RAB28: variants seen among roughly 807,000 people sequenced by gnomAD.
RAB28 encodes the protein ras-related protein Rab-28.
Under a neutral mutation model 31.7 loss-of-function variants are expected in RAB28, and 24 were observed. That is an observed-to-expected ratio of 0.76 (90% CI 0.55 to 1.06). The LOEUF is 1.06. Ranked by LOEUF, RAB28 falls within the 50% of genes least tolerant of loss-of-function variation. The pLI is 0.00. For missense variants in RAB28, 254 were observed against 258.5 expected (o/e 0.98, Z 0.12); for synonymous variants, 100 against 90.4 (o/e 1.11, Z -0.60).
intron 4 of RAB28, among the ~76,000 whole-genome samples, chr4:13,443,375 T>C (rs766857794): frequency 6.0e-5 from 9 of 150,628 alleles, no homozygotes; most frequent in Non-Finnish European, 7.4e-5. Context: ...GATTTCGCCA[T>C]GTTGGCCAGG....
Position 13,384,365 on chromosome 4 carries a change from C to T in RAB28, c.392-2771G>A, listed in dbSNP as rs560694875. On this transcript the variant is annotated intron_variant, in intron 4 of 6. Coordinates refer to ENST00000330852, the MANE Select transcript of RAB28 (RefSeq NM_001017979.3). Reference sequence around the variant, plus strand: ...CCCTGCTGCAGTTGATGAGTGTGTACCCCACCGTGCTGCTGCTGCTGCTGC... The same window carrying T: ...CCCTGCTGCAGTTGATGAGTGTGTATCCCACCGTGCTGCTGCTGCTGCTGC... Among the ~76,000 whole-genome samples, 7 of 152,240 alleles carry T rather than the reference C, an allele frequency of 4.6e-5. No homozygotes were observed. In the South Asian group the frequency reaches 6.2e-4, roughly 14 times the overall value.
At chr4:13,423,468 A>G (rs937892590) in intron 4 of RAB28, among the ~76,000 whole-genome samples, 2 of 151,742 alleles carry the variant, frequency 1.3e-5, no homozygotes, top group African/African-American at 4.8e-5. Context: ...CTGGGCAACA[A>G]GTGAAACTCC....
chr4:13,375,870 AAAGAT>A (rs760429053), intron 6 of RAB28, among the ~76,000 whole-genome samples: 6 of 152,112 alleles, frequency 3.9e-5, no homozygotes, highest in Non-Finnish European at 5.9e-5. Flanking sequence ...AAGGATGGGA[AAAGAT>A]AATTATACTT....
At chr4:13,430,895 C>G (rs1409831777) in intron 4 of RAB28, among the ~76,000 whole-genome samples, 1 of 152,174 alleles carries the variant, frequency 6.6e-6, no homozygotes, top group Non-Finnish European at 1.5e-5. Flanking sequence ...GAAACGGGTG[C>G]AGCACCAACC....
intron 4 of RAB28, among the ~76,000 whole-genome samples, chr4:13,420,004 C>G (rs535610916): frequency 6.6e-6 from 1 of 150,966 alleles, no homozygotes; most frequent in Non-Finnish European, 1.5e-5. Flanking sequence ...ATTGATAGAC[C>G]GTTAGCAAGA....
At chr4:13,463,992 ATTG>A (rs1222803019) in intron 3 of RAB28, among the ~76,000 whole-genome samples, 2 of 152,146 alleles carry the variant, frequency 1.3e-5, no homozygotes, top group Non-Finnish European at 2.9e-5. Flanking sequence ...GAAAACTGAT[ATTG>A]CAAGGCAAAT....
chr4:13,396,276 A>T (rs1203822236), intron 4 of RAB28, among the ~76,000 whole-genome samples: 1 of 152,046 alleles, frequency 6.6e-6, no homozygotes, highest in Non-Finnish European at 1.5e-5. Context: ...ACTCAATTCA[A>T]ACAAACGACT....
chr4:13,449,211 A>G (rs1226206312), intron 4 of RAB28, among the ~76,000 whole-genome samples: 1 of 151,982 alleles, frequency 6.6e-6, no homozygotes. Context: ...ATACAAGTTG[A>G]TATGAATCCT....
At chr4:13,420,993 T>C (rs1212404761) in intron 4 of RAB28, among the ~76,000 whole-genome samples, 2 of 152,196 alleles carry the variant, frequency 1.3e-5, no homozygotes, top group African/African-American at 2.4e-5. Context: ...CATGATTGTA[T>C]ATTTAGAAAA....
chr4:13,381,028 C>A (rs1729106903), intron 5 of RAB28, among the ~76,000 whole-genome samples: 1 of 152,022 alleles, frequency 6.6e-6, no homozygotes, highest in African/African-American at 2.4e-5. Context: ...TTTGCCTTCA[C>A]AAATCCTCTC....
intron 4 of RAB28, among the ~76,000 whole-genome samples, chr4:13,434,821 C>A (rs1488793816): frequency 6.6e-6 from 1 of 151,954 alleles, no homozygotes; most frequent in Non-Finnish European, 1.5e-5. Flanking sequence ...AAGTTTGAGA[C>A]CAGCCTGGCA....
chr4:13,484,234 G>A lies in RAB28; in HGVS notation c.-84C>T. 8.9e-7 allele frequency: 1 copy of A among 1,119,556 alleles called. No homozygotes were observed. The highest frequency in any genetic ancestry group is 1.3e-6 in the Non-Finnish European group (1 of 757,036). 69.4% of individuals were successfully genotyped at this position (1,119,556 alleles called of 1,614,324 possible). ...TCCGGGGGCGGGGGAGAGGAGGAAG[G>A]GAGGTAGTTGCGGCAGGACCCCCGC... On this transcript the variant is annotated 5_prime_UTR_variant, in exon 1 of 7. Transcript: ENST00000330852.
chr4:13,381,500 T>C lies in RAB28; in HGVS notation c.486A>G (p.Thr162=), dbSNP rs2108882353. The C allele has an allele frequency of 2.5e-6, 4 of 1,606,470 alleles. No individual in the cohort carries two copies. The highest frequency in any genetic ancestry group is 3.4e-6 in the Non-Finnish European group (4 of 1,173,638). ...TCATTATTTTACTTACAGAGTCTCC[T>C]GTCTTGGCTGAGACAAAGTGGCTAC... The part of the protein sequence containing the change: ...GFSSHFVSAK[T]GDSVFLCFQK... The change falls in exon 5 of 7, where the codon ACA becomes ACG. Residue 162 remains threonine (T), a synonymous_variant. Transcript: ENST00000330852.
intron 3 of RAB28, among the ~76,000 whole-genome samples, chr4:13,466,795 A>G (rs1715866795): frequency 6.6e-6 from 1 of 152,046 alleles, no homozygotes; most frequent in Non-Finnish European, 1.5e-5. Flanking sequence ...GTCCATCAAC[A>G]GATGAATGGA....
At chr4:13,418,512 G>A (rs1002472503) in intron 4 of RAB28, among the ~76,000 whole-genome samples, 1 of 152,168 alleles carries the variant, frequency 6.6e-6, no homozygotes, top group Non-Finnish European at 1.5e-5. Context: ...AGAAAAGTCG[G>A]GTTACTCACA....
At chr4:13,388,223 G>T (rs141630108) in intron 4 of RAB28, among the ~76,000 whole-genome samples, 1 of 151,926 alleles carries the variant, frequency 6.6e-6, no homozygotes, top group African/African-American at 2.4e-5. Context: ...TCACATATAT[G>T]GCCAAATGAT....
At chr4:13,410,255 A>T (rs938100043) in intron 4 of RAB28, among the ~76,000 whole-genome samples, 1 of 152,152 alleles carries the variant, frequency 6.6e-6, no homozygotes, top group African/African-American at 2.4e-5. Flanking sequence ...TATCCCCATG[A>T]AACAATAAGC....
intron 4 of RAB28, among the ~76,000 whole-genome samples, chr4:13,390,844 C>T (rs1365421667): frequency 6.6e-6 from 1 of 152,176 alleles, no homozygotes; most frequent in Non-Finnish European, 1.5e-5. Context: ...GGAAAACTGG[C>T]TAGCCATATC....
At chr4:13,471,025 C>T (rs1231633623) in intron 3 of RAB28, among the ~76,000 whole-genome samples, 1 of 152,052 alleles carries the variant, frequency 6.6e-6, no homozygotes, top group Non-Finnish European at 1.5e-5. Flanking sequence ...AACAGATTGA[C>T]TAGTTTAATG....
Sources: allele counts gnomAD v4.1 joint callset (sites outside exome capture counted in the v4.1 genomes callset), GRCh38; gene constraint gnomAD v4.1.1; transcripts MANE v1.5; gene names NCBI Gene and HGNC (gene_info 2026-07-23, HGNC 2026-07-21).